ARHGEF18: variants seen among roughly 807,000 people sequenced by gnomAD.
ARHGEF18 encodes rho guanine nucleotide exchange factor 18.
In ARHGEF18, 93 loss-of-function variants were observed where a neutral mutation model predicts 155.7. The observed-to-expected ratio is 0.60, with a 90% confidence interval of 0.50 to 0.71. The LOEUF is 0.71. Among genes scored for constraint, ARHGEF18 ranks in the 30% least tolerant of loss-of-function variants. ARHGEF18 has a pLI of 0.00. For missense variants in ARHGEF18, 1,593 were observed against 1,816.1 expected (o/e 0.88, Z 2.23); for synonymous variants, 742 against 753.1 (o/e 0.99, Z 0.24).
downstream of ARHGEF18, among the ~76,000 whole-genome samples, chr19:7,474,602 T>A (rs1977175919): frequency 6.6e-6 from 1 of 151,936 alleles, no homozygotes; most frequent in African/African-American, 2.4e-5. Flanking sequence ...GGTCTTGAAC[T>A]CCTAATCTCA....
intron 10 of ARHGEF18, among the ~76,000 whole-genome samples, chr19:7,400,516 G>A (rs913919159): frequency 6.6e-6 from 1 of 151,950 alleles, no homozygotes; most frequent in African/African-American, 2.4e-5. Context: ...AGTTGGTCTG[G>A]AGAAAGTCTC....
chr19:7,404,772 C>A (rs762698420), intron 10 of ARHGEF18, among the ~76,000 whole-genome samples: 1 of 152,024 alleles, frequency 6.6e-6, no homozygotes, highest in African/African-American at 2.4e-5. Context: ...GGAAGGTTCG[C>A]CTGATGGTTG....
At chr19:7,403,777 T>G (rs1026169844) in intron 10 of ARHGEF18, among the ~76,000 whole-genome samples, 2 of 151,918 alleles carry the variant, frequency 1.3e-5, no homozygotes, top group Admixed American at 6.6e-5. Context: ...GCTCAAGAGA[T>G]CCTCCTGCTG....
At chr19:7,464,480 A>G in intron 22 of ARHGEF18, 80 bp from the exon 23 acceptor site, 2 of 1,519,222 alleles carry the variant, frequency 1.3e-6, no homozygotes, top group Non-Finnish European at 1.8e-6. Context: ...CTACCTGGGC[A>G]GGGGCTGGGG....
chr19:7,389,474 TCCTTCCTTCCTTCTTCCTTCCTC>T (rs1227863738), intron 10 of ARHGEF18, among the ~76,000 whole-genome samples: 1 of 141,956 alleles, frequency 7.0e-6, no homozygotes, highest in African/African-American at 2.6e-5. Context: ...TTTTCTTCCT[TCCTTCCTTCCTTCTTCCTTCCTC>T]CCTTCCTTCC....
chr19:7,464,827 T>A, intron 23 of ARHGEF18, 137 bp downstream of exon 23: 1 of 1,246,166 alleles, frequency 8.0e-7, no homozygotes, highest in Non-Finnish European at 1.1e-6. Context: ...TGAATAACAG[T>A]ATCTCAGCCC....
rs587602037 is a variant in ARHGEF18, at chr19:7,352,832, C to CTTTTTTTTTTTTT, written c.-111+3601_-111+3613dup. Among the ~76,000 whole-genome samples the CTTTTTTTTTTTTT allele has an allele frequency of 1.0e-4, 5 of 49,882 alleles. 1 individual carries two copies. Among genetic ancestry groups the CTTTTTTTTTTTTT allele is most frequent in the African/African-American group, 2.3e-4 (3 of 12,922 alleles). The allele number at this position is 49,882 out of a possible 152,430, so 32.7% of individuals were successfully genotyped here. On this transcript the variant is annotated intron_variant, in intron 1 of 28. Coordinates refer to ENST00000668164, the MANE Select transcript of ARHGEF18 (RefSeq NM_001367823.1). ...ACAGGTGTGAGTCGCCGTGCCTGGC[C>CTTTTTTTTTTTTT]TTTTTTTTTTTTTTTTTTTTTTGAC...
In ARHGEF18 at chr19:7,467,660, G is replaced by A. The variant is rs913316825; in HGVS notation, c.3456G>A (p.Ala1152=). The A allele has an allele frequency of 4.6e-6, 7 of 1,512,240 alleles. No individual in the cohort carries two copies. In the African/African-American group the frequency reaches 8.5e-5, roughly 18 times the overall value. The allele number at this position is 1,512,240 out of a possible 1,614,324, so 93.7% of individuals were successfully genotyped here. The change falls in exon 26 of 29, where the codon GCG becomes GCA. Residue 1152 remains alanine (A), a synonymous_variant. Coordinates refer to ENST00000668164, the MANE Select transcript of ARHGEF18 (RefSeq NM_001367823.1). ...AGAAGCAGAACACCGCGCCAGGCGC[G>A]CTGCCGCCCGACACACTGGCCGAGG... ...RLKKQNTAPG[A]LPPDTLAEAQ... is the part of the protein sequence containing the mutation.
intron 15 of ARHGEF18, among the ~76,000 whole-genome samples, chr19:7,448,081 A>C (rs1348209226): frequency 1.3e-5 from 2 of 152,222 alleles, no homozygotes; most frequent in Non-Finnish European, 2.9e-5. Flanking sequence ...CCTGCAGCTC[A>C]GTATGGGACC....
chr19:7,431,503 TC>T (rs1430278146), intron 10 of ARHGEF18, among the ~76,000 whole-genome samples: 2 of 76,206 alleles, frequency 2.6e-5, no homozygotes, highest in East Asian at 8.7e-4. Flanking sequence ...AGAGTGAGAC[TC>T]CATCTCAAAA....
At position 7,411,623 on chromosome 19, in the gene ARHGEF18, TA is replaced by T. The variant is rs369653756; in HGVS notation, c.967+28427del. ...TGCCCAGCCAAGTGGCATCTTTTTT[TA>T]AAAAAATCATTTTTTAAGTGCACAG... On this transcript the variant is annotated intron_variant, in intron 10 of 28. Transcript: ENST00000668164. Among the ~76,000 whole-genome samples, 23 of 152,202 alleles carry T rather than the reference TA, an allele frequency of 1.5e-4. No homozygotes were observed. In the South Asian group the frequency reaches 4.4e-3, roughly 29 times the overall value.
chr19:7,477,300 G>C, downstream of ARHGEF18: 1 of 1,568,394 alleles, frequency 6.4e-7, no homozygotes, highest in Non-Finnish European at 8.6e-7. Flanking sequence ...AGCCACGGCG[G>C]GAAGCGGCCG....
At chr19:7,366,909 C>A (rs1969911763) in intron 2 of ARHGEF18, among the ~76,000 whole-genome samples, 1 of 151,664 alleles carries the variant, frequency 6.6e-6, no homozygotes, top group South Asian at 2.1e-4. Flanking sequence ...ACTACAGGTG[C>A]ACGCCACCAC....
chr19:7,472,636 C>T (rs967356321), downstream of ARHGEF18, among the ~76,000 whole-genome samples: 1 of 152,216 alleles, frequency 6.6e-6, no homozygotes, highest in African/African-American at 2.4e-5. Flanking sequence ...GCTCTGAAGA[C>T]CCCTTCAGGT....
intron 15 of ARHGEF18, among the ~76,000 whole-genome samples, chr19:7,448,671 C>CAA (rs1007436386): frequency 7.3e-6 from 1 of 136,874 alleles, no homozygotes; most frequent in African/African-American, 2.7e-5. Flanking sequence ...CAAAAAAATA[C>CAA]AAAAAAAAAA....
At chr19:7,446,642 G>A (rs188002334) in intron 14 of ARHGEF18, among the ~76,000 whole-genome samples, 122 of 152,116 alleles carry the variant, frequency 8.0e-4, no homozygotes, top group Non-Finnish European at 1.6e-3. Context: ...TCAGGAGGCT[G>A]AGGCAGGAGA....
At chr19:7,366,173 T>C (rs1416507684) in intron 2 of ARHGEF18, among the ~76,000 whole-genome samples, 1 of 152,208 alleles carries the variant, frequency 6.6e-6, no homozygotes, top group Non-Finnish European at 1.5e-5. Context: ...CTCAAACTCC[T>C]GGACTCATGT....
At chr19:7,383,911 G>A (rs1350390464) in intron 10 of ARHGEF18, among the ~76,000 whole-genome samples, 1 of 152,108 alleles carries the variant, frequency 6.6e-6, no homozygotes. Flanking sequence ...TTGTGGGGTG[G>A]TGAGGGAAAG....
intron 10 of ARHGEF18, among the ~76,000 whole-genome samples, chr19:7,422,579 C>T (rs1412427873): frequency 6.6e-6 from 1 of 152,036 alleles, no homozygotes; most frequent in Non-Finnish European, 1.5e-5. Context: ...CCTCAGGCCA[C>T]CCCAGCTCCC....
Sources: gnomAD v4.1 joint callset for allele counts (sites outside exome capture counted in the v4.1 genomes callset) on GRCh38, gnomAD v4.1.1 for gene constraint, MANE v1.5 for transcripts, NCBI Gene and HGNC (gene_info 2026-07-23, HGNC 2026-07-21) for gene names.